Variants in MYO6 observed in about 807,000 individuals in gnomAD.
The protein encoded by MYO6 is unconventional myosin-VI.
In MYO6, 74 loss-of-function variants were observed where a neutral mutation model predicts 178.7. The ratio of observed to expected loss-of-function variants is 0.41; its 90% CI spans 0.34 to 0.50. MYO6 has a LOEUF of 0.50. Among genes scored for constraint, MYO6 ranks in the 20% least tolerant of loss-of-function variants. The probability of loss-of-function intolerance (pLI) is 0.09; values close to 1 mark genes in which losing one functional copy is unlikely to be tolerated. For missense variants in MYO6, 1,330 were observed against 1,547.4 expected, an observed-to-expected ratio of 0.86 and a Z score of 2.36; for synonymous variants, 477 against 504.6, an observed-to-expected ratio of 0.95 and a Z score of 0.73.
chr6:75,784,776 C>CAAAA lies in MYO6; in HGVS notation c.-47-32701_-47-32698dup, dbSNP rs754218278. ...TGGGCAACAGAGTGAGACTCCGTCT[C>CAAAA]AAAAAAAAAAAAAAAAAAAAAAAAA... On this transcript the variant is annotated intron_variant, in intron 1 of 34. Transcript: ENST00000369977. Among the ~76,000 whole-genome samples, 264 of 54,380 alleles carry CAAAA rather than the reference C, an allele frequency of 4.9e-3. 38 individuals are homozygous for CAAAA. The highest frequency in any genetic ancestry group is 0.015 in the African/African-American group (239 of 15,488). 35.7% of individuals were successfully genotyped at this position (54,380 alleles called of 152,430 possible). A position where few individuals can be genotyped will look rare whatever the true frequency, so the allele number is the denominator to read the frequency against.
At chr6:75,834,137 C>CCATT (rs1773402039) in intron 6 of MYO6, among the ~76,000 whole-genome samples, 1 of 152,090 alleles carries the variant, frequency 6.6e-6, no homozygotes, top group Non-Finnish European at 1.5e-5. Flanking sequence ...TTTCTATTTC[C>CCATT]CTATAGTCTG....
intron 1 of MYO6, among the ~76,000 whole-genome samples, chr6:75,787,724 CTCTCTCTATATATATATATA>C (rs1767777276): frequency 8.2e-5 from 2 of 24,414 alleles, no homozygotes; most frequent in East Asian, 1.7e-3. Context: ...CTCTCTCTCT[CTCTCTCTATATATATATATA>C]TATATATATA....
chr6:75,806,140 T>TAAAAAAAAAAAAAAAAGACA, intron 1 of MYO6, among the ~76,000 whole-genome samples: 1 of 151,186 alleles, frequency 6.6e-6, no homozygotes, highest in Middle Eastern at 3.5e-3. Context: ...AAAAAAGAGG[T>TAAAAAAAAAAAAAAAAGACA]TTATTCTAGT....
intron 1 of MYO6, among the ~76,000 whole-genome samples, chr6:75,766,391 T>TTA (rs1778422983): frequency 1.3e-5 from 2 of 152,110 alleles, no homozygotes; most frequent in South Asian, 4.2e-4. Context: ...TGTGTATATT[T>TTA]TATATATATA....
intron 1 of MYO6, among the ~76,000 whole-genome samples, chr6:75,810,194 T>C (rs117270032): frequency 2.6e-5 from 4 of 152,194 alleles, no homozygotes; most frequent in Admixed American, 6.5e-5. Context: ...TTTTCAGACC[T>C]TAAAAGATGT....
In MYO6 at chr6:75,848,469, G is replaced by T; in HGVS notation, c.1016G>T (p.Arg339Leu). The change falls in exon 11 of 35, where the codon CGG (arginine) becomes CTG (leucine). Residue 339 changes from arginine to leucine, a missense_variant. By Grantham distance (102) the Arg-to-Leu change is moderately radical. Coordinates refer to ENST00000369977, the MANE Select transcript of MYO6 (RefSeq NM_004999.4). ...GATGAAGAAAAGCTTGATCTCTTCC[G>T]GGTAGTAGCTGGCGTCCTGCACCTT... ...LDDEEKLDLF[R>L]VVAGVLHLGN... 6.2e-7 allele frequency: 1 copy of T among 1,613,842 alleles called. No individual in the cohort carries two copies. Among genetic ancestry groups the T allele is most frequent in the Middle Eastern group, 1.7e-4 (1 of 6,060 alleles).
intron 1 of MYO6, among the ~76,000 whole-genome samples, chr6:75,813,371 G>C (rs1000939263): frequency 3.9e-5 from 6 of 152,180 alleles, no homozygotes; most frequent in African/African-American, 1.4e-4. Flanking sequence ...AGGCCCAAGA[G>C]TTCTCCAGTC....
chr6:75,817,392 T>G, intron 1 of MYO6, 109 bp from the exon 2 acceptor site: 1 of 682,036 alleles, frequency 1.5e-6, no homozygotes. Context: ...CATGGGCAGA[T>G]GTGTTTGTTA....
intron 1 of MYO6, among the ~76,000 whole-genome samples, chr6:75,792,596 T>G (rs2748963): frequency 0.77 from 117,553 of 151,952 alleles, 46,682 homozygotes; most frequent in East Asian, 0.95. Flanking sequence ...TATAACATTT[T>G]CAAATATTGA....
At chr6:75,896,887 G>A (rs1779350160) in intron 29 of MYO6, among the ~76,000 whole-genome samples, 2 of 152,220 alleles carry the variant, frequency 1.3e-5, no homozygotes, top group South Asian at 2.1e-4. Flanking sequence ...AGTGTCTAAG[G>A]TGAAATTATA....
At position 75,915,636 on chromosome 6, in the gene MYO6, G is replaced by T. The variant is rs986924844; in HGVS notation, c.*624G>T. On this transcript the variant is annotated 3_prime_UTR_variant, in exon 35 of 35. Coordinates refer to ENST00000369977, the MANE Select transcript of MYO6 (RefSeq NM_004999.4). ...TATTTGATGTATTCTGTGATAAGAG[G>T]TACTAATAGTATCCAGCACAGATTT... is the stretch of plus-strand genomic sequence containing the variant. The T allele has an allele frequency of 6.5e-6, 1 of 153,888 alleles. No homozygotes were observed. The highest frequency in any genetic ancestry group is 1.4e-5 in the Non-Finnish European group (1 of 69,114). The allele number at this position is 153,888 out of a possible 1,614,324, so 9.5% of individuals were successfully genotyped here. A position where few individuals can be genotyped will look rare whatever the true frequency, so the allele number is the denominator to read the frequency against.
At chr6:75,799,406 A>C (rs1011474902) in intron 1 of MYO6, among the ~76,000 whole-genome samples, 2 of 146,174 alleles carry the variant, frequency 1.4e-5, no homozygotes, top group Non-Finnish European at 3.0e-5. Flanking sequence ...AAAAAAAAAA[A>C]GTATTTTACT....
intron 32 of MYO6, among the ~76,000 whole-genome samples, chr6:75,910,215 C>G (rs1268208762): frequency 6.6e-6 from 1 of 151,780 alleles, no homozygotes; most frequent in Non-Finnish European, 1.5e-5. Context: ...CTTTGTTTTG[C>G]AAAAAATGAC....
At chr6:75,818,267 GT>G (rs1771489635) in intron 2 of MYO6, among the ~76,000 whole-genome samples, 2 of 152,152 alleles carry the variant, frequency 1.3e-5, no homozygotes, top group Admixed American at 1.3e-4. Context: ...GTGACTAGGA[GT>G]TGTGACTCGT....
intron 10 of MYO6, among the ~76,000 whole-genome samples, chr6:75,845,378 T>C (rs1259443544): frequency 1.3e-5 from 2 of 152,136 alleles, no homozygotes; most frequent in African/African-American, 2.4e-5. Flanking sequence ...AGACAGTAAA[T>C]AGATTAAGCG....
chr6:75,914,343 G>A, intron 34 of MYO6, 62 bp downstream of exon 34: 1 of 1,463,778 alleles, frequency 6.8e-7, no homozygotes, highest in Non-Finnish European at 9.6e-7. Flanking sequence ...CTCTCTGAAT[G>A]AAACATTCTA....
At chr6:75,902,843 G>C (rs1481095629) in intron 30 of MYO6, among the ~76,000 whole-genome samples, 1 of 151,278 alleles carries the variant, frequency 6.6e-6, no homozygotes, top group African/African-American at 2.4e-5. Context: ...GATCTTTCCT[G>C]CTTTCTCTTG....
intron 1 of MYO6, among the ~76,000 whole-genome samples, chr6:75,790,711 A>T (rs143822848): frequency 2.0e-5 from 3 of 152,284 alleles, no homozygotes; most frequent in African/African-American, 7.2e-5. Flanking sequence ...GGACCATGTC[A>T]AAAGAATGAT....
At chr6:75,899,615 C>T (rs527457544) in intron 30 of MYO6, among the ~76,000 whole-genome samples, 24 of 151,216 alleles carry the variant, frequency 1.6e-4, no homozygotes, top group African/African-American at 5.8e-4. Flanking sequence ...CCACTTAGAC[C>T]GCTTATGAAA....
Sources: gnomAD v4.1 joint callset for allele counts (sites outside exome capture counted in the v4.1 genomes callset) on GRCh38, gnomAD v4.1.1 for gene constraint, MANE v1.5 for transcripts, NCBI Gene and HGNC (gene_info 2026-07-23, HGNC 2026-07-21) for gene names.